The following ZNRF2 variants were observed in gnomAD, a reference collection of about 807,000 sequenced individuals.
ZNRF2 encodes E3 ubiquitin-protein ligase ZNRF2.
A neutral mutation model predicts 20.4 loss-of-function variants in ZNRF2; 16 were observed. The observed-to-expected ratio is 0.79, with a 90% CI of 0.53 to 1.19. ZNRF2 has a LOEUF of 1.19. Among genes scored for constraint, ZNRF2 ranks in the 50% most tolerant of loss-of-function variants. The pLI is 0.00. For missense variants in ZNRF2, 363 were observed against 332.4 expected, an observed-to-expected ratio of 1.09 and a Z score of -0.72; for synonymous variants, 178 against 144.9, an observed-to-expected ratio of 1.23 and a Z score of -1.64.
intron 1 of ZNRF2, among the ~76,000 whole-genome samples, chr7:30,295,046 A>G (rs1282334832): frequency 3.7e-4 from 36 of 98,584 alleles, no homozygotes; most frequent in African/African-American, 1.6e-3. Flanking sequence ...AGAGAGAGAG[A>G]GAGAGTGTGT....
intron 3 of ZNRF2, among the ~76,000 whole-genome samples, chr7:30,358,856 TGTTTTTTTCTCTCAAGTTA>T (rs1460449578): frequency 6.6e-6 from 1 of 152,222 alleles, no homozygotes; most frequent in African/African-American, 2.4e-5. Flanking sequence ...TTGGTCAAGT[TGTTTTTTTCTCTCAAGTTA>T]GTTTTTTTCT....
chr7:30,297,927 T>G (rs1472089936), intron 1 of ZNRF2, among the ~76,000 whole-genome samples: 5 of 152,074 alleles, frequency 3.3e-5, no homozygotes, highest in Non-Finnish European at 7.4e-5. Context: ...TGTAGTCGTG[T>G]GATCCTAGCT....
At chr7:30,294,656 G>A (rs1264148288) in intron 1 of ZNRF2, among the ~76,000 whole-genome samples, 1 of 151,998 alleles carries the variant, frequency 6.6e-6, no homozygotes, top group African/African-American at 2.4e-5. Context: ...GGTGGCAGGT[G>A]CCCGTAATCC....
chr7:30,364,839 A>G (rs946257821), intron 4 of ZNRF2, among the ~76,000 whole-genome samples: 2 of 152,228 alleles, frequency 1.3e-5, no homozygotes. Context: ...AGTAATTTAT[A>G]CATGACAGAA....
chr7:30,359,271 A>T (rs1045830408), intron 3 of ZNRF2, among the ~76,000 whole-genome samples: 15 of 152,220 alleles, frequency 9.9e-5, no homozygotes, highest in African/African-American at 2.9e-4. Flanking sequence ...TAATTTCAAG[A>T]TTGATAAATT....
At chr7:30,300,222 C>T (rs1010964042) in intron 1 of ZNRF2, among the ~76,000 whole-genome samples, 1 of 146,270 alleles carries the variant, frequency 6.8e-6, no homozygotes, top group Non-Finnish European at 1.5e-5. Flanking sequence ...AATCTTGGCT[C>T]ACTGCAACCT....
In ZNRF2 at chr7:30,362,360, G is replaced by T; in HGVS notation, c.672-17G>T. 1.3e-6 allele frequency: 2 copies of T among 1,555,752 alleles called. No homozygotes were observed. The highest frequency in any genetic ancestry group is 8.7e-7 in the Non-Finnish European group (1 of 1,143,716). On this transcript the variant is annotated splice_polypyrimidine_tract_variant and intron_variant, in intron 3 of 4. Transcript: ENST00000323037. Reference sequence around the variant, plus strand: ...TAGTATAAGTATCTCAATTTTTCTGGTTTTGTTCCTTTCTAGCTGCATAGA... The same window carrying T: ...TAGTATAAGTATCTCAATTTTTCTGTTTTTGTTCCTTTCTAGCTGCATAGA...
chr7:30,343,025 C>T (rs28625762), intron 2 of ZNRF2, among the ~76,000 whole-genome samples: 1 of 151,922 alleles, frequency 6.6e-6, no homozygotes, highest in Non-Finnish European at 1.5e-5. Flanking sequence ...TCACTTTTGG[C>T]GAATGTTTCC....
At chr7:30,343,911 CTTTTTTTT>C (rs34643391) in intron 2 of ZNRF2, among the ~76,000 whole-genome samples, 1,411 of 81,526 alleles carry the variant, frequency 0.017, 44 homozygotes, top group African/African-American at 0.062. Context: ...GGGTGGCCAG[CTTTTTTTT>C]TTTTTTTTTT....
chr7:30,319,267 G>T (rs981022377), intron 1 of ZNRF2, among the ~76,000 whole-genome samples: 16 of 152,124 alleles, frequency 1.1e-4, no homozygotes, highest in African/African-American at 3.9e-4. Context: ...AATTTACAAA[G>T]AATAAGAGTT....
At chr7:30,349,132 G>C (rs905362492) in intron 2 of ZNRF2, among the ~76,000 whole-genome samples, 8 of 152,026 alleles carry the variant, frequency 5.3e-5, no homozygotes, top group Non-Finnish European at 8.8e-5. Flanking sequence ...CTAACATTTA[G>C]TGCCTTTTAC....
intron 2 of ZNRF2, among the ~76,000 whole-genome samples, chr7:30,350,778 A>G (rs1799949992): frequency 6.6e-6 from 1 of 151,972 alleles, no homozygotes; most frequent in Non-Finnish European, 1.5e-5. Context: ...TTCACATTTC[A>G]GCTGCTTTTG....
intron 1 of ZNRF2, among the ~76,000 whole-genome samples, chr7:30,314,623 T>C (rs925136394): frequency 6.6e-6 from 1 of 152,010 alleles, no homozygotes; most frequent in Non-Finnish European, 1.5e-5. Context: ...GCAGTGTTAT[T>C]TTTAAGAGTG....
chr7:30,313,644 G>C (rs1039140785), intron 1 of ZNRF2, among the ~76,000 whole-genome samples: 4 of 152,040 alleles, frequency 2.6e-5, no homozygotes, highest in African/African-American at 2.4e-5. Context: ...TGCATACTTA[G>C]TCAGATTTCT....
chr7:30,336,047 T>C (rs1250513278), intron 2 of ZNRF2, among the ~76,000 whole-genome samples: 1 of 152,176 alleles, frequency 6.6e-6, no homozygotes, highest in Admixed American at 6.5e-5. Flanking sequence ...GCCAGAGGTG[T>C]TGATCTTGGC....
rs1798739397 is a variant in ZNRF2 at position 30,284,775 on chromosome 7, T to G, written c.-583T>G. Reference sequence around the variant, plus strand: ...CGGTTGCCGGGAAGCGCGCGCCACCTCTCCCTCCCATTTTTCGTTCTCCCC... The same window carrying G: ...CGGTTGCCGGGAAGCGCGCGCCACCGCTCCCTCCCATTTTTCGTTCTCCCC... On this transcript the variant is annotated 5_prime_UTR_variant, in exon 1 of 5. Transcript: ENST00000323037. 1 of 178,832 alleles carries G rather than the reference T, an allele frequency of 5.6e-6. No homozygotes were observed. Among genetic ancestry groups the G allele is most frequent in the South Asian group, 7.1e-5 (1 of 14,068 alleles). 11.1% of individuals were successfully genotyped at this position (178,832 alleles called of 1,614,324 possible).
intron 1 of ZNRF2, among the ~76,000 whole-genome samples, chr7:30,305,337 T>A (rs1799183027): frequency 6.6e-6 from 1 of 152,198 alleles, no homozygotes; most frequent in Non-Finnish European, 1.5e-5. Context: ...CATTCTAATC[T>A]TACGTAAAGT....
intron 2 of ZNRF2, among the ~76,000 whole-genome samples, chr7:30,340,997 A>G (rs28889382): frequency 0.04 from 6,037 of 152,042 alleles, 376 homozygotes; most frequent in African/African-American, 0.14. Flanking sequence ...GAATTTATCC[A>G]TTTCTTCTAG....
intron 2 of ZNRF2, among the ~76,000 whole-genome samples, chr7:30,351,350 A>G (rs979938822): frequency 1.3e-5 from 2 of 152,020 alleles, no homozygotes; most frequent in Non-Finnish European, 2.9e-5. Flanking sequence ...ATATGTGGCT[A>G]GTGGTTACCA....
Sources: allele counts gnomAD v4.1 joint callset (sites outside exome capture counted in the v4.1 genomes callset), GRCh38; gene constraint gnomAD v4.1.1; transcripts MANE v1.5; gene names NCBI Gene and HGNC (gene_info 2026-07-23, HGNC 2026-07-21).